SLC30A7: variants seen among roughly 807,000 people sequenced by gnomAD.
SLC30A7 encodes the protein solute carrier family 30 member 7.
A neutral mutation model predicts 46.0 loss-of-function variants in SLC30A7; 35 were observed. That is an observed-to-expected ratio of 0.76 (90% confidence interval 0.58 to 1.01). The LOEUF (loss-of-function observed/expected upper bound fraction) is 1.01. Among genes scored for constraint, SLC30A7 ranks in the 50% least tolerant of loss-of-function variants. The pLI is 0.00. For synonymous variants in SLC30A7, 147 were observed against 157.8 expected (o/e 0.93, Z 0.51); for missense variants, 464 against 451.1 (o/e 1.03, Z -0.26).
intron 10 of SLC30A7, among the ~76,000 whole-genome samples, chr1:100,968,297 C>T (rs552437779): frequency 6.6e-6 from 1 of 152,024 alleles, no homozygotes; most frequent in South Asian, 2.1e-4. Flanking sequence ...CCCATCTCTA[C>T]TAAAAATACA....
chr1:100,915,210 TTTC>T (rs1184185657), intron 6 of SLC30A7, among the ~76,000 whole-genome samples: 1 of 135,708 alleles, frequency 7.4e-6, no homozygotes, highest in Non-Finnish European at 1.6e-5. Context: ...TCTTTCTTTC[TTTC>T]TTTCTTTCTT....
At position 100,977,035 on chromosome 1, in the gene SLC30A7, C is replaced by T. The variant is rs959051285; in HGVS notation, c.*2178C>T. The T allele has an allele frequency of 7.2e-5, 11 of 152,186 alleles. No individual in the cohort carries two copies. The highest frequency in any genetic ancestry group is 2.7e-4 in the African/African-American group (11 of 41,262). The allele number at this position is 152,186 out of a possible 1,614,324, so 9.4% of individuals were successfully genotyped here. A position where few individuals can be genotyped will look rare whatever the true frequency, so the allele number is the denominator to read the frequency against. On this transcript the variant is annotated 3_prime_UTR_variant, in exon 11 of 11. Coordinates refer to ENST00000357650, the MANE Select transcript of SLC30A7 (RefSeq NM_133496.5). ...AGTCATTAGAAGTTTGCAACCACCA[C>T]CAAGTCTGAGAGAACTCTGGGATAT...
intron 6 of SLC30A7, among the ~76,000 whole-genome samples, chr1:100,916,910 A>G (rs1373832473): frequency 6.6e-6 from 1 of 151,896 alleles, no homozygotes; most frequent in Non-Finnish European, 1.5e-5. Flanking sequence ...CAGGTTATTT[A>G]TTTACCTTTG....
intron 2 of SLC30A7, among the ~76,000 whole-genome samples, chr1:100,899,950 G>A (rs1651199282): frequency 6.6e-6 from 1 of 151,936 alleles, no homozygotes; most frequent in Non-Finnish European, 1.5e-5. Context: ...GAAAGTCAAG[G>A]ATTTTTTACT....
the SLC30A7 span, among the ~76,000 whole-genome samples, chr1:100,988,133 T>G: frequency 2.0e-5 from 3 of 152,204 alleles, no homozygotes; most frequent in African/African-American, 7.2e-5. Context: ...AGAGATCATA[T>G]GCAGACAGGA....
Position 100,896,191 on chromosome 1 carries a change from A to G in SLC30A7, c.-72A>G, listed in dbSNP as rs1044959918. The G allele has an allele frequency of 4.2e-5, 57 of 1,361,934 alleles. No homozygotes were observed. In the Middle Eastern group the frequency reaches 9.0e-4, roughly 22 times the overall value. The allele number at this position is 1,361,934 out of a possible 1,614,324, so 84.4% of individuals were successfully genotyped here. A position where few individuals can be genotyped will look rare whatever the true frequency, so the allele number is the denominator to read the frequency against. ...GGGGATTCCCGTTTGAGGCGTCACT[A>G]CTGTCACTGCCATCACCCCACGGAG... On this transcript the variant is annotated 5_prime_UTR_variant, in exon 1 of 11. Coordinates refer to ENST00000357650, the MANE Select transcript of SLC30A7 (RefSeq NM_133496.5).
rs1650966320 is a variant in SLC30A7, at chr1:100,896,648, A to G, written c.159A>G (p.Leu53=). The change falls in exon 2 of 11, where the codon CTA becomes CTG. Residue 53 remains leucine, a synonymous_variant. Transcript: ENST00000357650. The part of the protein sequence containing the change: ...CLNLSFAFVE[L]LYGIWSNCLG... ...ACCTCTCTTTCGCTTTTGTGGAACT[A>G]CTCTACGGCATCTGGAGCAACTGGT... 4.3e-6 allele frequency: 7 copies of G among 1,613,672 alleles called. No homozygotes were observed. Among genetic ancestry groups the G allele is most frequent in the Admixed American group, 1.7e-5 (1 of 59,964 alleles).
At chr1:100,966,542 G>A (rs188056954) in intron 10 of SLC30A7, among the ~76,000 whole-genome samples, 30 of 149,664 alleles carry the variant, frequency 2.0e-4, no homozygotes, top group African/African-American at 6.9e-4. Context: ...CCAAGATCAC[G>A]GCCACTGCAC....
chr1:100,959,489 G>T (rs929107047), intron 8 of SLC30A7, among the ~76,000 whole-genome samples: 1 of 152,198 alleles, frequency 6.6e-6, no homozygotes, highest in Non-Finnish European at 1.5e-5. Context: ...AGGTTCATTT[G>T]GGGGAGAATC....
At chr1:100,951,582 A>G (rs1036054232) in intron 8 of SLC30A7, among the ~76,000 whole-genome samples, 3 of 152,100 alleles carry the variant, frequency 2.0e-5, no homozygotes, top group Admixed American at 1.3e-4. Context: ...CTGTCTCCCT[A>G]CTGCCCAGTG....
intron 10 of SLC30A7, among the ~76,000 whole-genome samples, chr1:100,966,778 A>G (rs985176786): frequency 3.9e-5 from 6 of 152,232 alleles, no homozygotes; most frequent in Non-Finnish European, 5.9e-5. Context: ...TATGTTAGGT[A>G]CTATTTGAAG....
rs182841925 is a variant in SLC30A7 at position 100,953,742 on chromosome 1, A to G, written c.843-8086A>G. On this transcript the variant is annotated intron_variant, in intron 8 of 10. Transcript: ENST00000357650. ...TATTTTCTGGAGCTTTTTGCCCAATACTGTATTGACTTTAGTCTCTTCCCA... is the reference window on the plus strand; with the variant it reads ...TATTTTCTGGAGCTTTTTGCCCAATGCTGTATTGACTTTAGTCTCTTCCCA... 5.3e-5 allele frequency among the ~76,000 whole-genome samples: 8 copies of G among 152,226 alleles called. No individual in the cohort carries two copies. In the East Asian group the frequency reaches 1.5e-3, roughly 29 times the overall value.
rs1656823972 is a variant in SLC30A7, at chr1:100,979,936, TCAC to T, written c.*5082_*5084del. 6.6e-6 allele frequency: 1 copy of T among 152,108 alleles called. No individual in the cohort carries two copies. The allele number at this position is 152,108 out of a possible 1,614,324, so 9.4% of individuals were successfully genotyped here. On this transcript the variant is annotated 3_prime_UTR_variant, in exon 11 of 11. Coordinates refer to ENST00000357650, the MANE Select transcript of SLC30A7 (RefSeq NM_133496.5). ...ACTCTCCTATAAAATTAGTGAATAA[TCAC>T]CATGACAAAATTGGTATGGCGGAAC...
chr1:100,916,332 T>C (rs1652545911), intron 6 of SLC30A7, among the ~76,000 whole-genome samples: 1 of 151,978 alleles, frequency 6.6e-6, no homozygotes, highest in Non-Finnish European at 1.5e-5. Flanking sequence ...ATTACAGGCG[T>C]GTGCCACCAC....
chr1:100,911,990 AT>A (rs996826505), intron 4 of SLC30A7, 121 bp from the exon 5 acceptor site: 108 of 834,496 alleles, frequency 1.3e-4, no homozygotes, highest in African/African-American at 1.1e-3. Flanking sequence ...GTTTTGGGAG[AT>A]TTTTTTTAGT....
chr1:100,915,198 TTTCTTTCTTTCTTTC>T (rs1652430032), intron 6 of SLC30A7, among the ~76,000 whole-genome samples: 7 of 61,772 alleles, frequency 1.1e-4, no homozygotes, highest in East Asian at 7.4e-4. Flanking sequence ...CTTTCTTTTC[TTTCTTTCTTTCTTTC>T]TTTCTTTCTT....
At chr1:100,945,745 G>A (rs1009423903) in intron 8 of SLC30A7, among the ~76,000 whole-genome samples, 1 of 152,018 alleles carries the variant, frequency 6.6e-6, no homozygotes, top group African/African-American at 2.4e-5. Flanking sequence ...TGTTCTTTTT[G>A]CTTAGGATTG....
rs1296264565 is a variant in SLC30A7 at position 100,975,857 on chromosome 1, A to T, written c.*1000A>T. 8.2e-6 allele frequency: 1 copy of T among 122,086 alleles called. No homozygotes were observed. Among genetic ancestry groups the T allele is most frequent in the Non-Finnish European group, 1.7e-5 (1 of 59,024 alleles). 7.6% of individuals were successfully genotyped at this position (122,086 alleles called of 1,614,324 possible). A position where few individuals can be genotyped will look rare whatever the true frequency, so the allele number is the denominator to read the frequency against. On this transcript the variant is annotated 3_prime_UTR_variant, in exon 11 of 11. Coordinates refer to ENST00000357650, the MANE Select transcript of SLC30A7 (RefSeq NM_133496.5). ...TTTTTTTTTTTTTTTTTTTTTTTTA[A>T]CAATGGATATTCTGTAAAATATCCT...
At chr1:100,995,928 A>C in the SLC30A7 span, 1 of 152,248 alleles carries the variant, frequency 6.6e-6, no homozygotes, top group African/African-American at 2.4e-5. Flanking sequence ...TTTTTGCAAA[A>C]ATAAACATAG....
Sources: allele counts gnomAD v4.1 joint callset (sites outside exome capture counted in the v4.1 genomes callset), GRCh38; gene constraint gnomAD v4.1.1; transcripts MANE v1.5; gene names NCBI Gene and HGNC (gene_info 2026-07-23, HGNC 2026-07-21).